Variants in TBC1D16 observed in about 807,000 individuals in gnomAD.
TBC1D16 encodes the protein CTD-2529O21.1.
In TBC1D16, 58 loss-of-function variants were observed where a neutral mutation model predicts 74.7. That is an observed-to-expected ratio of 0.78 (90% CI 0.63 to 0.97). The LOEUF (loss-of-function observed/expected upper bound fraction) is 0.97. TBC1D16 is among the 50% of genes least tolerant of loss of function. The pLI, the probability that TBC1D16 is intolerant of heterozygous loss-of-function variation, is 0.00. For missense variants in TBC1D16, 1,014 were observed against 1,079.5 expected, an observed-to-expected ratio of 0.94 and a Z score of 0.85; for synonymous variants, 493 against 474.7, an observed-to-expected ratio of 1.04 and a Z score of -0.50.
Position 80,010,682 on chromosome 17 carries a change from C to T in TBC1D16, c.257G>A (p.Arg86His), listed in dbSNP as rs375368830. 2.0e-6 allele frequency: 3 copies of T among 1,524,572 alleles called. No homozygotes were observed. Among genetic ancestry groups the T allele is most frequent in the East Asian group, 2.3e-5 (1 of 44,044 alleles). 94.4% of individuals were successfully genotyped at this position (1,524,572 alleles called of 1,614,324 possible). A position where few individuals can be genotyped will look rare whatever the true frequency, so the allele number is the denominator to read the frequency against. Residue 86 changes from arginine (R) to histidine (H), a missense_variant, in exon 3 of 12, where the codon CGC (arginine) becomes CAC (histidine). Transcript: ENST00000310924. This position sits in a 1 kb window ranked among gnomAD's most constrained non-coding sequence, Gnocchi z 8.8. The part of the protein sequence containing the change: ...TLILAWVPNS[R>H]IQRQDEEALR... ...GGCCTCCTCGTCCTGCCTCTGGATG[C>T]GAGAGTTGGGGACCCATGCCAGGAT...
chr17:80,030,408 G>A (rs1013001805), intron 1 of TBC1D16, among the ~76,000 whole-genome samples: 3 of 152,126 alleles, frequency 2.0e-5, no homozygotes, highest in African/African-American at 7.2e-5. Flanking sequence ...GGACACAGGT[G>A]GGCTACAGGT....
intron 1 of TBC1D16, among the ~76,000 whole-genome samples, chr17:80,031,368 A>G (rs907921259): frequency 3.3e-5 from 5 of 152,238 alleles, no homozygotes; most frequent in African/African-American, 1.2e-4. Context: ...ATGAGCCTCT[A>G]TGCAGAAGCG....
intron 8 of TBC1D16, 47 bp from the exon 9 acceptor site, chr17:79,947,878 G>T (rs757672523): frequency 5.9e-6 from 9 of 1,527,864 alleles, no homozygotes; most frequent in South Asian, 4.6e-5. Flanking sequence ...CCCTCACCGC[G>T]GCACACTGCC....
intron 1 of TBC1D16, among the ~76,000 whole-genome samples, chr17:80,017,659 C>G (rs574907638): frequency 7.9e-6 from 1 of 126,282 alleles, no homozygotes; most frequent in African/African-American, 2.9e-5. Context: ...CCAGCCTGGG[C>G]GACAGAGCAA....
At position 79,949,844 on chromosome 17, in the gene TBC1D16, C is replaced by T; in HGVS notation, c.1279G>A (p.Asp427Asn). ...CAGACCTCCCCGCGGATTGACACAT[C>T]AATACCGCCAAAGAAAATGGCCTGG... ...LRKAIFFGGI[D>N]VSIRGEVWPF... The change falls in exon 7 of 12, where the codon GAT becomes AAT. Residue 427 changes from aspartate (D) to asparagine (N), a missense_variant. Physicochemically the swap from Asp to Asn is conservative, Grantham distance 23. Transcript: ENST00000310924. 6.2e-7 allele frequency: 1 copy of T among 1,613,450 alleles called. No homozygotes were observed. The highest frequency in any genetic ancestry group is 8.5e-7 in the Non-Finnish European group (1 of 1,179,700).
At position 79,940,620 on chromosome 17, in the gene TBC1D16, G is replaced by T; in HGVS notation, c.*239C>A. On this transcript the variant is annotated 3_prime_UTR_variant, in exon 12 of 12. Coordinates refer to ENST00000310924, the MANE Select transcript of TBC1D16 (RefSeq NM_019020.4). This position sits in a 1 kb window ranked among gnomAD's most constrained non-coding sequence, Gnocchi z 5.4. ...CCTGCGTCTCAGGTGCGGTGGCTGC[G>T]CGTTCCACTGCAGCGTTTCAGGAGC... The T allele has an allele frequency of 2.4e-6, 1 of 409,580 alleles. No homozygotes were observed. The highest frequency in any genetic ancestry group is 4.2e-6 in the Non-Finnish European group (1 of 238,482). The allele number at this position is 409,580 out of a possible 1,614,324, so 25.4% of individuals were successfully genotyped here.
chr17:79,967,516 A>C (rs1023098674), intron 3 of TBC1D16, among the ~76,000 whole-genome samples: 4 of 152,224 alleles, frequency 2.6e-5, no homozygotes, highest in Non-Finnish European at 5.9e-5. Flanking sequence ...AAAATTAATA[A>C]AACAATTCTC....
At chr17:79,948,304 C>A (rs2032735723) in intron 8 of TBC1D16, among the ~76,000 whole-genome samples, 1 of 113,686 alleles carries the variant, frequency 8.8e-6, no homozygotes, top group Non-Finnish European at 1.8e-5. Context: ...CAGAGCGAGA[C>A]TCCGTCTCAA....
chr17:79,966,947 A>G (rs182524125), intron 3 of TBC1D16, among the ~76,000 whole-genome samples: 18 of 152,368 alleles, frequency 1.2e-4, no homozygotes, highest in African/African-American at 4.3e-4. Context: ...AAAAGAAAAG[A>G]CAGGAAACAC....
At chr17:80,013,943 T>C (rs1200410427) in intron 1 of TBC1D16, among the ~76,000 whole-genome samples, 2 of 152,206 alleles carry the variant, frequency 1.3e-5, no homozygotes, top group African/African-American at 4.8e-5. Flanking sequence ...AGAAACTCTG[T>C]TCCCACCTTA....
At chr17:79,973,383 G>T (rs927298424) in intron 3 of TBC1D16, among the ~76,000 whole-genome samples, 2 of 152,008 alleles carry the variant, frequency 1.3e-5, no homozygotes, top group African/African-American at 4.8e-5. Context: ...AACCAGCCTG[G>T]GTAACACAGT....
rs1220706066 is a variant in TBC1D16, at chr17:79,952,728, G to A, written c.870C>T (p.Cys290=). 8.7e-6 allele frequency: 14 copies of A among 1,612,214 alleles called. No individual in the cohort carries two copies. The highest frequency in any genetic ancestry group is 1.2e-5 in the Non-Finnish European group (14 of 1,179,296). Reference sequence around the variant, plus strand: ...ACACGCCGCAAATCTGCTCCAGGGCGCACACCCGCTGCGGCTCGTCCCAGC... The same window carrying A: ...ACACGCCGCAAATCTGCTCCAGGGCACACACCCGCTGCGGCTCGTCCCAGC... ...TPRWDEPQRV[C]ALEQICGVFR... Residue 290 remains cysteine (C), a synonymous_variant, in exon 4 of 12, where the codon TGC becomes TGT. Coordinates refer to ENST00000310924, the MANE Select transcript of TBC1D16 (RefSeq NM_019020.4).
At position 80,010,819 on chromosome 17, in the gene TBC1D16, G is replaced by A. The variant is rs376390292; in HGVS notation, c.182-62C>T. 35 of 1,302,642 alleles carry A rather than the reference G, an allele frequency of 2.7e-5. No individual in the cohort carries two copies. Among genetic ancestry groups the A allele is most frequent in the African/African-American group, 5.9e-5 (4 of 67,334 alleles). The allele number at this position is 1,302,642 out of a possible 1,614,324, so 80.7% of individuals were successfully genotyped here. ...GGAGGCTGTGGATGAGGCCCTTGTG[G>A]TACCTTTGGCGAGCTGCTCGGAGAG... is the stretch of plus-strand genomic sequence containing the variant. On this transcript the variant is annotated intron_variant, in intron 2 of 11. Transcript: ENST00000310924. This position sits in a 1 kb window ranked among gnomAD's most constrained non-coding sequence, Gnocchi z 8.8.
chr17:79,984,062 G>A (rs943619759), intron 3 of TBC1D16, among the ~76,000 whole-genome samples: 6 of 149,760 alleles, frequency 4.0e-5, no homozygotes, highest in Non-Finnish European at 7.4e-5. Context: ...CAGAGATGGC[G>A]GGGTGGGGGG....
At position 80,010,101 on chromosome 17, in the gene TBC1D16, C is replaced by T; in HGVS notation, c.779+59G>A. 8.5e-6 allele frequency: 12 copies of T among 1,417,836 alleles called. No individual in the cohort carries two copies. Among genetic ancestry groups the T allele is most frequent in the South Asian group, 4.1e-5 (3 of 73,846 alleles). The allele number at this position is 1,417,836 out of a possible 1,614,324, so 87.8% of individuals were successfully genotyped here. On this transcript the variant is annotated intron_variant, in intron 3 of 11. Transcript: ENST00000310924. The surrounding 1 kb of genome is among the most constrained non-coding windows in gnomAD (Gnocchi z 8.8). Reference sequence around the variant, plus strand: ...CACAGGTGACGCAGGTGAGTGCTTCCTGCCCAGGTCAGGCCTTGGGGGCCT... The same window carrying T: ...CACAGGTGACGCAGGTGAGTGCTTCTTGCCCAGGTCAGGCCTTGGGGGCCT...
chr17:80,027,718 C>A (rs976405746), intron 1 of TBC1D16, among the ~76,000 whole-genome samples: 1 of 151,736 alleles, frequency 6.6e-6, no homozygotes, highest in Non-Finnish European at 1.5e-5. Context: ...ATGGCGAAAC[C>A]CCGTCTCTAC....
chr17:79,969,803 G>A (rs1303481198), intron 3 of TBC1D16, among the ~76,000 whole-genome samples: 1 of 152,034 alleles, frequency 6.6e-6, no homozygotes, highest in Non-Finnish European at 1.5e-5. Context: ...TTAGCCAGGT[G>A]TGGTGGTGCA....
At chr17:79,943,825 G>C in intron 10 of TBC1D16, 1 of 1,345,634 alleles carries the variant, frequency 7.4e-7, no homozygotes, top group Non-Finnish European at 9.6e-7. Flanking sequence ...ACATCAGCCT[G>C]AACGTAAAGG....
chr17:79,992,256 G>C (rs1490585565), intron 3 of TBC1D16: 1 of 152,348 alleles, frequency 6.6e-6, no homozygotes, highest in Admixed American at 6.5e-5. Context: ...CTTGGCCTGC[G>C]TAGACCCGTC....
Sources: allele counts gnomAD v4.1 joint callset (sites outside exome capture counted in the v4.1 genomes callset), GRCh38; gene constraint gnomAD v4.1.1; non-coding constraint Gnocchi (gnomAD v3.1); transcripts MANE v1.5; gene names NCBI Gene and HGNC (gene_info 2026-07-23, HGNC 2026-07-21).